The following PKD1 variants were observed in gnomAD, a reference collection of about 807,000 sequenced individuals.
PKD1 encodes the protein polycystin-1.
Under a neutral mutation model 361.7 loss-of-function variants are expected in PKD1, and 81 were observed. The ratio of observed to expected loss-of-function variants is 0.22; its 90% CI spans 0.19 to 0.27. PKD1 has a LOEUF of 0.27. Among genes scored for constraint, PKD1 ranks in the 10% least tolerant of loss-of-function variants. The pLI is 1.00. For synonymous variants in PKD1, 3,615 were observed against 2,818.3 expected, an observed-to-expected ratio of 1.28 and a Z score of -8.95; for missense variants, 6,399 against 6,118.3, an observed-to-expected ratio of 1.05 and a Z score of -1.53.
intron 1 of PKD1, among the ~76,000 whole-genome samples, chr16:2,122,985 A>C (rs1311939731): frequency 2.6e-5 from 4 of 152,202 alleles, no homozygotes; most frequent in African/African-American, 7.2e-5. Flanking sequence ...TGGAAAATCC[A>C]TCAAGAGTGG....
rs918228674 is a variant in PKD1 at position 2,097,403 on chromosome 16, G to C, written c.10321C>G (p.Gln3441Glu). Reference sequence around the variant, plus strand: ...TCTGGGCCCAGCCCATGGCCCGCCTGGCCCCGTGCCAGCTGCCGCAGATTG... The same window carrying C: ...TCTGGGCCCAGCCCATGGCCCGCCTCGCCCCGTGCCAGCTGCCGCAGATTG... ...GSNLRQLARG[Q>E]AGHGLGPEED... Residue 3441 changes from glutamine to glutamate, a missense_variant, in exon 33 of 46, where the codon CAG becomes GAG. By Grantham distance (29) the Gln-to-Glu change is conservative. Coordinates refer to ENST00000262304, the MANE Select transcript of PKD1 (RefSeq NM_001009944.3). 17 of 1,610,308 alleles carry C rather than the reference G, an allele frequency of 1.1e-5. No homozygotes were observed. Among genetic ancestry groups the C allele is most frequent in the African/African-American group, 1.3e-5 (1 of 75,072 alleles).
At chr16:2,130,918 C>A (rs922442211) in intron 1 of PKD1, among the ~76,000 whole-genome samples, 23 of 152,196 alleles carry the variant, frequency 1.5e-4, no homozygotes, top group African/African-American at 5.3e-4. Context: ...GCAGCAGACC[C>A]AGGTGACCCC....
At chr16:2,092,908 C>A in intron 38 of PKD1, 46 bp downstream of exon 38, 1 of 1,611,250 alleles carries the variant, frequency 6.2e-7, no homozygotes, top group Non-Finnish European at 8.5e-7. Flanking sequence ...GGACTAAAGG[C>A]AAAACTAAAG....
chr16:2,093,108 G>C lies in PKD1; in HGVS notation c.11017-15C>G, dbSNP rs767602364. ...ACCAGGAGGCTCTGGTGGACGGGGG[G>C]GCCCTGTGGTCAGCCTGGCCCCAGC... On this transcript the variant is annotated splice_polypyrimidine_tract_variant and intron_variant, in intron 37 of 45. Transcript: ENST00000262304. 6.2e-7 allele frequency: 1 copy of C among 1,612,052 alleles called. No individual in the cohort carries two copies. Among genetic ancestry groups the C allele is most frequent in the Non-Finnish European group, 8.5e-7 (1 of 1,179,870 alleles).
rs2151728536 is a variant in PKD1, at chr16:2,097,780, G to A, written c.10168C>T (p.Gln3390Ter). The A allele has an allele frequency of 1.2e-6, 2 of 1,611,456 alleles. No individual in the cohort carries two copies. Among genetic ancestry groups the A allele is most frequent in the South Asian group, 1.1e-5 (1 of 90,992 alleles). Residue 3390 changes from glutamine (Q) to a stop codon, truncating the protein, a stop_gained and splice_region_variant, in exon 32 of 46, where the codon CAG (glutamine) becomes TAG (stop). Transcript: ENST00000262304. LOFTEE classifies it high-confidence loss of function. ...CTCTTCATCTGTCCAACAAAGGCCTGCTGAGAGGTGCACAGTGTCTTGAGT... is the reference window on the plus strand; with the variant it reads ...CTCTTCATCTGTCCAACAAAGGCCTACTGAGAGGTGCACAGTGTCTTGAGT... ...FLTFSGLHAEQAFVGQMKSDL... is the reference protein window; with the variant it reads ...FLTFSGLHAE
In PKD1 at chr16:2,093,659, G is replaced by T. The variant is rs564898622; in HGVS notation, c.10901C>A (p.Pro3634Gln). Residue 3634 changes from proline (P) to glutamine (Q), a missense_variant, in exon 37 of 46, where the codon CCG becomes CAG. Physicochemically the swap from Pro to Gln is moderately conservative, Grantham distance 76. Coordinates refer to ENST00000262304, the MANE Select transcript of PKD1 (RefSeq NM_001009944.3). ...ACGTGCGCTCACAGGCGTCACAGCC[G>T]GGCTCTCTACCAGGGTGTCATCTTC... ...PDEDDTLVES[P>Q]AVTPVSARVP... 1 of 1,607,732 alleles carries T rather than the reference G, an allele frequency of 6.2e-7. No individual in the cohort carries two copies. The highest frequency in any genetic ancestry group is 1.3e-5 in the African/African-American group (1 of 74,940).
chr16:2,129,831 G>T (rs991888436), intron 1 of PKD1, among the ~76,000 whole-genome samples: 1 of 151,742 alleles, frequency 6.6e-6, no homozygotes, highest in South Asian at 2.1e-4. Flanking sequence ...GATTCCAGGC[G>T]TGAGTGACCC....
chr16:2,105,831 G>C (rs756034823), intron 20 of PKD1, 34 bp downstream of exon 20: 3 of 1,586,380 alleles, frequency 1.9e-6, no homozygotes, highest in Non-Finnish European at 1.7e-6. Flanking sequence ...CACGCATGCA[G>C]CAGATGTGAC....
intron 11 of PKD1, 198 bp downstream of exon 11, chr16:2,113,972 T>A: frequency 1.7e-6 from 1 of 603,860 alleles, no homozygotes; most frequent in Non-Finnish European, 2.9e-6. Context: ...GCGGAGCCAC[T>A]GTCAGAGCCG....
At position 2,089,678 on chromosome 16, in the gene PKD1, G is replaced by A. The variant is rs559096849; in HGVS notation, c.*49C>T. On this transcript the variant is annotated 3_prime_UTR_variant, in exon 46 of 46. Transcript: ENST00000262304. ...CTTGACAGCGGCAGAAAGTAATACTGAGCGGTGTCCACTCCGACTCCACGG... is the reference window on the plus strand; with the variant it reads ...CTTGACAGCGGCAGAAAGTAATACTAAGCGGTGTCCACTCCGACTCCACGG... The A allele has an allele frequency of 1.3e-6, 2 of 1,546,728 alleles. No homozygotes were observed. The highest frequency in any genetic ancestry group is 8.7e-7 in the Non-Finnish European group (1 of 1,144,958).
chr16:2,091,949 C>G (rs374554930), intron 40 of PKD1, 43 bp from the exon 41 acceptor site: 1 of 1,611,656 alleles, frequency 6.2e-7, no homozygotes, highest in Admixed American at 1.7e-5. Flanking sequence ...CCAGCCCTTC[C>G]GGCACCCCGG....
rs375443308 is a variant in PKD1, at chr16:2,089,804, G to T, written c.12835C>A (p.Arg4279=). 8.8e-6 allele frequency: 14 copies of T among 1,598,946 alleles called. No individual in the cohort carries two copies. The African/African-American group carries it at 1.2e-4, about 14-fold the overall frequency. Residue 4279 remains arginine, a synonymous_variant, in exon 46 of 46, where the codon CGG becomes AGG. Transcript: ENST00000262304. ...GGGCCAGTGGCCAGGTCCACACCCC[G>T]ACTGGCCCGGGCAAGGCGGCTGGGC... ...ALPSRLARAS[R]GVDLATGPSR...
chr16:2,110,903 C>T lies in PKD1; in HGVS notation c.4264G>A (p.Ala1422Thr), dbSNP rs140980374. ...YTWDFGTEEA[A>T]PTRARGPEVT... ...TCAGGGCCCCTGGCACGGGTGGGGG[C>T]GGCTTCCTCGGTGCCAAAGTCCCAG... The change falls in exon 15 of 46, where the codon GCC (alanine) becomes ACC (threonine). Residue 1422 changes from alanine to threonine, a missense_variant. Ala to Thr is a moderately conservative substitution (Grantham distance 58). Transcript: ENST00000262304. 8,770 of 1,611,388 alleles carry T rather than the reference C, an allele frequency of 5.4e-3. 52 individuals are homozygous for T. The highest frequency in any genetic ancestry group is 0.049 in the Middle Eastern group (247 of 5,056).
intron 39 of PKD1, 107 bp downstream of exon 39, chr16:2,092,373 C>A: frequency 1.0e-6 from 1 of 974,046 alleles, no homozygotes; most frequent in Non-Finnish European, 1.6e-6. Context: ...GTTAAGAGGG[C>A]AAAGGTCACA....
At position 2,089,611 on chromosome 16, in the gene PKD1, C is replaced by G; in HGVS notation, c.*116G>C. On this transcript the variant is annotated 3_prime_UTR_variant, in exon 46 of 46. Transcript: ENST00000262304. ...AGACAGACAGATGCCCCTGCCTGCT[C>G]TCTGGGGAACCTACGTGCAGCCATT... The G allele has an allele frequency of 7.7e-7, 1 of 1,306,370 alleles. No homozygotes were observed. Among genetic ancestry groups the G allele is most frequent in the Admixed American group, 2.0e-5 (1 of 49,712 alleles). 80.9% of individuals were successfully genotyped at this position (1,306,370 alleles called of 1,614,324 possible).
chr16:2,105,115 C>G (rs938973460), intron 21 of PKD1, among the ~76,000 whole-genome samples: 34 of 148,190 alleles, frequency 2.3e-4, no homozygotes, highest in Non-Finnish European at 4.5e-5. Flanking sequence ...TCTTTACACC[C>G]TGGGTCCCCC....
In PKD1 at chr16:2,106,927, C is replaced by G. The variant is rs1329044944; in HGVS notation, c.7087G>C (p.Val2363Leu). ...NQTVLIRSGR[V>L]PIVSLECVSC... ...ACACACTCCAAGGACACAATGGGCA[C>G]CCGGCCACTCCGGATCAGCACCTGG... Residue 2363 changes from valine (V) to leucine (L), a missense_variant, in exon 17 of 46, where the codon GTG (valine) becomes CTG (leucine). By Grantham distance (32) the Val-to-Leu change is conservative. Coordinates refer to ENST00000262304, the MANE Select transcript of PKD1 (RefSeq NM_001009944.3). The surrounding 1 kb of genome is among the most constrained non-coding windows in gnomAD (Gnocchi z 6.5). The G allele has an allele frequency of 1.3e-6, 2 of 1,580,350 alleles. No homozygotes were observed. Among genetic ancestry groups the G allele is most frequent in the Non-Finnish European group, 8.6e-7 (1 of 1,167,274 alleles).
intron 1 of PKD1, among the ~76,000 whole-genome samples, chr16:2,122,472 C>CA (rs1198943939): frequency 6.6e-6 from 1 of 152,244 alleles, no homozygotes; most frequent in African/African-American, 2.4e-5. Context: ...AAGGTAGGGA[C>CA]ACGGGCTGAG....
chr16:2,093,871 C>A lies in PKD1; in HGVS notation c.10761G>T (p.Ala3587=). The A allele has an allele frequency of 1.3e-6, 2 of 1,572,026 alleles. No homozygotes were observed. Among genetic ancestry groups the A allele is most frequent in the East Asian group, 4.7e-5 (2 of 42,886 alleles). The change falls in exon 36 of 46, where the codon GCG becomes GCT. Residue 3587 remains alanine, a synonymous_variant. Transcript: ENST00000262304. ...AGCTGGCGCTGCTGGACAGGAGCCA[C>A]GCAACACTCACGCCCGGGGGGAAGC... is the stretch of plus-strand genomic sequence containing the variant. ...GASFPPGVSV[A]WLLSSSASFL...
Sources: allele counts gnomAD v4.1 joint callset (sites outside exome capture counted in the v4.1 genomes callset), GRCh38; gene constraint gnomAD v4.1.1; non-coding constraint Gnocchi (gnomAD v3.1); transcripts MANE v1.5; gene names NCBI Gene and HGNC (gene_info 2026-07-23, HGNC 2026-07-21).